The following PDE11A variants were observed in gnomAD, a reference collection of about 807,000 sequenced individuals.
The protein encoded by PDE11A is dual 3',5'-cyclic-AMP and -GMP phosphodiesterase 11A.
PDE11A carries 100 observed loss-of-function variants against 100.5 expected under a neutral mutation model. The ratio of observed to expected loss-of-function variants is 1.00; its 90% CI spans 0.85 to 1.18. The LOEUF is 1.18. Among genes scored for constraint, PDE11A ranks in the 50% most tolerant of loss-of-function variants. PDE11A has a pLI of 0.00. For missense variants in PDE11A, 1,141 were observed against 1,152.6 expected (o/e 0.99, Z 0.15); for synonymous variants, 381 against 420.8 (o/e 0.91, Z 1.16).
intron 2 of PDE11A, among the ~76,000 whole-genome samples, chr2:178,085,338 A>G (rs1246774645): frequency 6.6e-6 from 1 of 152,162 alleles, no homozygotes; most frequent in Non-Finnish European, 1.5e-5. Flanking sequence ...CAATACCTTA[A>G]ACAGGTAAAA....
chr2:177,843,087 T>G (rs2083517464), intron 5 of PDE11A, among the ~76,000 whole-genome samples: 1 of 152,094 alleles, frequency 6.6e-6, no homozygotes, highest in Non-Finnish European at 1.5e-5. Flanking sequence ...AAACTGAAAT[T>G]TATTGCCATC....
chr2:178,061,598 T>C lies in PDE11A; in HGVS notation c.912+9928A>G, dbSNP rs369799800. ...AATTCAAGCATGAGGGTGAGATAAATAGGGAAGAGTAAAGAGAGGAGGTGG... is the reference window on the plus strand; with the variant it reads ...AATTCAAGCATGAGGGTGAGATAAACAGGGAAGAGTAAAGAGAGGAGGTGG... On this transcript the variant is annotated intron_variant, in intron 1 of 19. Coordinates refer to ENST00000286063, the MANE Select transcript of PDE11A (RefSeq NM_016953.4). Among the ~76,000 whole-genome samples the C allele has an allele frequency of 3.3e-5, 5 of 152,240 alleles. No individual in the cohort carries two copies. In the South Asian group the frequency reaches 6.2e-4, roughly 19 times the overall value.
intron 5 of PDE11A, among the ~76,000 whole-genome samples, chr2:177,873,704 T>G (rs1478573566): frequency 6.6e-6 from 1 of 152,204 alleles, no homozygotes; most frequent in Non-Finnish European, 1.5e-5. Context: ...GGAAATGAAC[T>G]GATTTACTTT....
chr2:178,095,200 T>C (rs1276574856), intron 2 of PDE11A, among the ~76,000 whole-genome samples: 2 of 152,206 alleles, frequency 1.3e-5, no homozygotes, highest in Non-Finnish European at 2.9e-5. Context: ...CTTCCTCCTA[T>C]GAGCCTGTAA....
intron 2 of PDE11A, among the ~76,000 whole-genome samples, chr2:178,008,768 C>A (rs1001577481): frequency 1.3e-5 from 2 of 152,168 alleles, no homozygotes; most frequent in Non-Finnish European, 2.9e-5. Context: ...TCATCAGTAA[C>A]AAGCTCCTGG....
At chr2:177,917,607 G>A (rs1464320375) in intron 2 of PDE11A, among the ~76,000 whole-genome samples, 1 of 152,092 alleles carries the variant, frequency 6.6e-6, no homozygotes, top group African/African-American at 2.4e-5. Flanking sequence ...ACCACATACA[G>A]TATTTTTAAA....
intron 2 of PDE11A, among the ~76,000 whole-genome samples, chr2:178,103,875 G>A (rs1019357805): frequency 1.3e-5 from 2 of 151,948 alleles, no homozygotes; most frequent in African/African-American, 4.8e-5. Flanking sequence ...TTAACCCTAA[G>A]ATACTGTCTC....
chr2:178,014,536 C>T lies in PDE11A; in HGVS notation c.913-76G>A, dbSNP rs1283854302. 2.7e-6 allele frequency: 3 copies of T among 1,114,806 alleles called. No homozygotes were observed. In the African/African-American group the frequency reaches 4.6e-5, roughly 17 times the overall value. 69.1% of individuals were successfully genotyped at this position (1,114,806 alleles called of 1,614,324 possible). ...AGAAGGAGAGAGAGGTTTATTTCTG[C>T]ATATGATACCTTATCACTGGGAACT... On this transcript the variant is annotated intron_variant, in intron 1 of 19. Coordinates refer to ENST00000286063, the MANE Select transcript of PDE11A (RefSeq NM_016953.4).
At chr2:177,802,812 G>T (rs889549687) in intron 9 of PDE11A, among the ~76,000 whole-genome samples, 3 of 151,902 alleles carry the variant, frequency 2.0e-5, no homozygotes, top group African/African-American at 4.8e-5. Flanking sequence ...GGGGCATTTT[G>T]ATATGCAAGA....
chr2:177,921,875 AG>A (rs2085053949), intron 2 of PDE11A: 1 of 152,198 alleles, frequency 6.6e-6, no homozygotes, highest in Non-Finnish European at 1.5e-5. Context: ...TAAACTCAAA[AG>A]TATCTACAGC....
At chr2:177,677,003 G>A (rs564969810) in intron 16 of PDE11A, among the ~76,000 whole-genome samples, 1 of 152,178 alleles carries the variant, frequency 6.6e-6, no homozygotes, top group Non-Finnish European at 1.5e-5. Context: ...AGTACTGGAG[G>A]GGGACAAGAC....
At chr2:177,831,010 G>A (rs964289911) in intron 6 of PDE11A, among the ~76,000 whole-genome samples, 2 of 152,116 alleles carry the variant, frequency 1.3e-5, no homozygotes, top group Non-Finnish European at 2.9e-5. Flanking sequence ...CCACCCATAA[G>A]CCAAAGAGTC....
At chr2:177,930,243 T>G (rs1330232204) in intron 2 of PDE11A, among the ~76,000 whole-genome samples, 1 of 152,260 alleles carries the variant, frequency 6.6e-6, no homozygotes, top group Non-Finnish European at 1.5e-5. Context: ...GCTGTTTTAC[T>G]TTTAAACAAG....
At chr2:177,941,267 G>A (rs2085342831) in intron 2 of PDE11A, among the ~76,000 whole-genome samples, 1 of 152,222 alleles carries the variant, frequency 6.6e-6, no homozygotes, top group African/African-American at 2.4e-5. Context: ...CCTAGTAAGT[G>A]TAGAAGCTGA....
chr2:177,932,832 TAA>T (rs58921185), intron 2 of PDE11A, among the ~76,000 whole-genome samples: 14 of 140,332 alleles, frequency 1.0e-4, no homozygotes, highest in Non-Finnish European at 1.2e-4. Context: ...AGGCAAGAGT[TAA>T]AAAAAAAAAA....
chr2:177,721,337 A>G (rs1157260168), intron 12 of PDE11A, among the ~76,000 whole-genome samples: 3 of 152,170 alleles, frequency 2.0e-5, no homozygotes, highest in Non-Finnish European at 4.4e-5. Flanking sequence ...GTATCTGTCA[A>G]CACTATTTCA....
chr2:178,046,550 T>A (rs1004284317), intron 1 of PDE11A, among the ~76,000 whole-genome samples: 5 of 152,144 alleles, frequency 3.3e-5, no homozygotes, highest in Non-Finnish European at 7.4e-5. Context: ...AATTGAAGAA[T>A]TGGAGTCAGA....
intron 2 of PDE11A, among the ~76,000 whole-genome samples, chr2:177,989,142 G>T (rs1363353093): frequency 6.6e-6 from 1 of 152,168 alleles, no homozygotes; most frequent in Non-Finnish European, 1.5e-5. Context: ...CTTCAATACT[G>T]TCATACAGTC....
chr2:178,052,402 G>A (rs1380506029), intron 1 of PDE11A, among the ~76,000 whole-genome samples: 2 of 152,172 alleles, frequency 1.3e-5, no homozygotes, highest in African/African-American at 4.8e-5. Flanking sequence ...ATGCCCATAG[G>A]AGAAAGCAGG....
Sources: allele counts gnomAD v4.1 joint callset (sites outside exome capture counted in the v4.1 genomes callset), GRCh38; gene constraint gnomAD v4.1.1; transcripts MANE v1.5; gene names NCBI Gene and HGNC (gene_info 2026-07-23, HGNC 2026-07-21).